Variants in OLFM3 observed in about 807,000 individuals in gnomAD.
OLFM3 encodes the protein noelin-3.
OLFM3 carries 20 observed loss-of-function variants against 48.6 expected under a neutral mutation model. The ratio of observed to expected loss-of-function variants is 0.41; its 90% CI spans 0.29 to 0.60. The LOEUF is 0.60. Ranked by LOEUF, OLFM3 falls within the 20% of genes least tolerant of loss-of-function variation. The pLI, the probability that OLFM3 is intolerant of heterozygous loss-of-function variation, is 0.28. For synonymous variants in OLFM3, 222 were observed against 198.1 expected (o/e 1.12, Z -1.01); for missense variants, 437 against 544.3 (o/e 0.80, Z 1.96).
chr1:101,837,929 T>C (rs1354712855), intron 1 of OLFM3: 1 of 152,178 alleles, frequency 6.6e-6, no homozygotes, highest in Non-Finnish European at 1.5e-5. Context: ...GTACTATTCA[T>C]TAGGTATTTA....
chr1:101,924,265 C>A (rs1163643779), intron 1 of OLFM3, among the ~76,000 whole-genome samples: 1 of 152,126 alleles, frequency 6.6e-6, no homozygotes, highest in East Asian at 1.9e-4. Context: ...GTGGCCTTTT[C>A]AGTACGTTTG....
chr1:101,976,257 T>A (rs1660949685), intron 1 of OLFM3, among the ~76,000 whole-genome samples: 1 of 152,214 alleles, frequency 6.6e-6, no homozygotes, highest in Non-Finnish European at 1.5e-5. Context: ...TACTCCATTT[T>A]GTGTTTAAAT....
chr1:101,942,023 A>G (rs1659811589), intron 1 of OLFM3, among the ~76,000 whole-genome samples: 1 of 152,224 alleles, frequency 6.6e-6, no homozygotes, highest in Non-Finnish European at 1.5e-5. Context: ...AGCAAGGTTC[A>G]GAGATATGAA....
chr1:101,921,685 A>AT (rs1659099723), intron 1 of OLFM3, among the ~76,000 whole-genome samples: 1 of 152,202 alleles, frequency 6.6e-6, no homozygotes, highest in Non-Finnish European at 1.5e-5. Context: ...TGAGCATAAT[A>AT]AATGCATTAA....
intron 1 of OLFM3, among the ~76,000 whole-genome samples, chr1:101,882,170 T>C (rs547674283): frequency 4.0e-5 from 6 of 151,188 alleles, no homozygotes; most frequent in Non-Finnish European, 8.9e-5. Flanking sequence ...AGATGCGACA[T>C]TAAAATGAAG....
At chr1:101,871,654 C>T (rs1041403812) in intron 1 of OLFM3, among the ~76,000 whole-genome samples, 22 of 151,718 alleles carry the variant, frequency 1.5e-4, no homozygotes, top group African/African-American at 5.1e-4. Flanking sequence ...ACAACAAAAT[C>T]GAAGCCAAAC....
Position 101,876,974 on chromosome 1 carries a change from TAGA to T in OLFM3, c.70-39952_70-39950del, listed in dbSNP as rs148217905. On this transcript the variant is annotated intron_variant, in intron 1 of 5. Coordinates refer to ENST00000370103, the MANE Select transcript of OLFM3 (RefSeq NM_058170.4). ...TGGGTTATAATTTCAGTTTGTCAAC[TAGA>T]AGAAGAGAGTCCAACCTACTCACAC... Among the ~76,000 whole-genome samples, 23 of 152,062 alleles carry T rather than the reference TAGA, an allele frequency of 1.5e-4. No homozygotes were observed. The East Asian group carries it at 4.5e-3, about 29-fold the overall frequency.
chr1:101,876,695 T>C (rs1232401141), intron 1 of OLFM3, among the ~76,000 whole-genome samples: 1 of 152,036 alleles, frequency 6.6e-6, no homozygotes, highest in East Asian at 1.9e-4. Flanking sequence ...ATCTAGCTTA[T>C]TAAGCTTTTT....
chr1:101,836,554 C>T (rs1457850141), intron 2 of OLFM3, among the ~76,000 whole-genome samples: 1 of 150,880 alleles, frequency 6.6e-6, no homozygotes, highest in Non-Finnish European at 1.5e-5. Flanking sequence ...CTAGTGTGAT[C>T]CTGAGAGTGG....
intron 1 of OLFM3, among the ~76,000 whole-genome samples, chr1:101,846,620 G>A (rs1241160998): frequency 6.6e-6 from 1 of 152,022 alleles, no homozygotes; most frequent in African/African-American, 2.4e-5. Context: ...AGAATTTAAT[G>A]ACTCTGGTAT....
chr1:101,950,023 G>A (rs1660082862), intron 1 of OLFM3, among the ~76,000 whole-genome samples: 2 of 99,848 alleles, frequency 2.0e-5, no homozygotes, highest in Admixed American at 2.1e-4. Context: ...GTGAGACTCC[G>A]TCTTAAAAAA....
intron 1 of OLFM3, among the ~76,000 whole-genome samples, chr1:101,911,472 A>G (rs6662872): frequency 0.46 from 69,617 of 151,886 alleles, 16,091 homozygotes; most frequent in East Asian, 0.59. Flanking sequence ...CTTACTTTAA[A>G]GATTGTGATG....
At chr1:101,851,125 C>G (rs1315201213) in intron 1 of OLFM3, among the ~76,000 whole-genome samples, 1 of 152,084 alleles carries the variant, frequency 6.6e-6, no homozygotes, top group Non-Finnish European at 1.5e-5. Flanking sequence ...TTGGGGAATG[C>G]TGGATACCCT....
chr1:101,940,553 A>C (rs1250104428), intron 1 of OLFM3, among the ~76,000 whole-genome samples: 1 of 151,584 alleles, frequency 6.6e-6, no homozygotes, highest in Non-Finnish European at 1.5e-5. Flanking sequence ...GTATCTATCT[A>C]TCTATCATCT....
At chr1:101,830,328 T>C (rs965140973) in intron 3 of OLFM3, among the ~76,000 whole-genome samples, 3 of 152,222 alleles carry the variant, frequency 2.0e-5, no homozygotes. Context: ...CATAGTTTTC[T>C]CTTTAAATAA....
chr1:101,885,015 A>G (rs1657690705), intron 1 of OLFM3, among the ~76,000 whole-genome samples: 1 of 152,030 alleles, frequency 6.6e-6, no homozygotes, highest in Non-Finnish European at 1.5e-5. Context: ...ACAGAACACC[A>G]GGAAAGTCCA....
At chr1:101,957,941 C>T (rs1432989625) in intron 1 of OLFM3, among the ~76,000 whole-genome samples, 4 of 152,002 alleles carry the variant, frequency 2.6e-5, no homozygotes, top group African/African-American at 9.7e-5. Context: ...AACTGACAAT[C>T]AGAGCAAAAT....
chr1:101,846,698 A>G lies in OLFM3; in HGVS notation c.70-9673T>C, dbSNP rs557216904. On this transcript the variant is annotated intron_variant, in intron 1 of 5. Coordinates refer to ENST00000370103, the MANE Select transcript of OLFM3 (RefSeq NM_058170.4). The stretch of plus-strand genomic sequence containing the variant: ...ATAACTATAAAGTGTTTATAAATAA[A>G]TATGATGAAAGTTACCACATAGTTA... 9 of 584,786 alleles carry G rather than the reference A, an allele frequency of 1.5e-5. No homozygotes were observed. The East Asian group carries it at 2.5e-4, about 16-fold the overall frequency. 36.2% of individuals were successfully genotyped at this position (584,786 alleles called of 1,614,324 possible).
At chr1:101,815,880 C>A (rs2100878949) in intron 4 of OLFM3, among the ~76,000 whole-genome samples, 1 of 152,186 alleles carries the variant, frequency 6.6e-6, no homozygotes, top group East Asian at 1.9e-4. Flanking sequence ...AAGCCAGGGG[C>A]TACATATTGC....
Sources: allele counts gnomAD v4.1 joint callset (sites outside exome capture counted in the v4.1 genomes callset), GRCh38; gene constraint gnomAD v4.1.1; transcripts MANE v1.5; gene names NCBI Gene and HGNC (gene_info 2026-07-23, HGNC 2026-07-21).